The following SPATA21 variants were observed in gnomAD, a reference collection of about 807,000 sequenced individuals.
SPATA21 encodes the protein spermatogenesis associated 21.
SPATA21 carries 47 observed loss-of-function variants against 54.8 expected under a neutral mutation model. That is an observed-to-expected ratio of 0.86 (90% CI 0.68 to 1.09). The LOEUF is 1.09. SPATA21 is among the 50% of genes least tolerant of loss of function. SPATA21 has a pLI of 0.00. For synonymous variants in SPATA21, 245 were observed against 235.3 expected (o/e 1.04, Z -0.38); for missense variants, 599 against 596.4 (o/e 1.00, Z -0.05).
intron 7 of SPATA21, among the ~76,000 whole-genome samples, chr1:16,406,978 G>A (rs2085662233): frequency 6.6e-6 from 1 of 152,226 alleles, no homozygotes; most frequent in African/African-American, 2.4e-5. Flanking sequence ...AAGGCAGCCC[G>A]TGCTGACTGG....
chr1:16,405,566 C>T (rs2085613089), intron 7 of SPATA21, among the ~76,000 whole-genome samples: 2 of 149,194 alleles, frequency 1.3e-5, no homozygotes, highest in African/African-American at 2.5e-5. Context: ...GAGGCTCAGA[C>T]AGTAGGATCC....
At chr1:16,430,491 T>G (rs981607090) in intron 3 of SPATA21, among the ~76,000 whole-genome samples, 5 of 151,852 alleles carry the variant, frequency 3.3e-5, no homozygotes, top group Admixed American at 3.3e-4. Context: ...CTGAGAGGTG[T>G]GATGGAAGCT....
chr1:16,402,817 T>A (rs571641312), intron 10 of SPATA21, among the ~76,000 whole-genome samples: 2 of 152,086 alleles, frequency 1.3e-5, no homozygotes, highest in Non-Finnish European at 2.9e-5. Flanking sequence ...TCCCAGCTAC[T>A]CGGGAAACTG....
At position 16,431,359 on chromosome 1, in the gene SPATA21, T is replaced by G; in HGVS notation, c.13A>C (p.Asn5His). The G allele has an allele frequency of 1.2e-6, 2 of 1,613,988 alleles. No homozygotes were observed. The highest frequency in any genetic ancestry group is 1.7e-6 in the Non-Finnish European group (2 of 1,179,988). Reference protein sequence around the residue: MDNRNTQMYTEEEKT... With the variant: MDNRHTQMYTEEEKT... The stretch of plus-strand genomic sequence containing the variant: ...CTACCCTCCGTGTACATCTGGGTGT[T>G]TCTATTGTCCATGATGCCAGCGCCA... Residue 5 changes from asparagine to histidine, a missense_variant, in exon 3 of 13, where the codon AAC (asparagine) becomes CAC (histidine). By Grantham distance (68) the Asn-to-His change is moderately conservative. Transcript: ENST00000335496.
intron 5 of SPATA21, among the ~76,000 whole-genome samples, chr1:16,420,956 A>G (rs777783439): frequency 6.6e-6 from 1 of 152,186 alleles, no homozygotes; most frequent in Non-Finnish European, 1.5e-5. Flanking sequence ...AAGCTGCTCA[A>G]CATGGGTACA....
intron 10 of SPATA21, among the ~76,000 whole-genome samples, chr1:16,401,575 C>T (rs908602275): frequency 1.6e-4 from 25 of 152,172 alleles, no homozygotes; most frequent in Admixed American, 7.9e-4. Flanking sequence ...GGATTACAGG[C>T]GTGAGCCACT....
intron 3 of SPATA21, chr1:16,425,536 A>G (rs2086295995): frequency 1.0e-5 from 16 of 1,548,740 alleles, no homozygotes; most frequent in Admixed American, 2.0e-5. Flanking sequence ...GGCAGCTCTC[A>G]GGAGGCTGAT....
In SPATA21 at chr1:16,400,723, A is replaced by C; in HGVS notation, c.1171T>G (p.Tyr391Asp). The C allele has an allele frequency of 1.1e-5, 17 of 1,613,042 alleles. No homozygotes were observed. Among genetic ancestry groups the C allele is most frequent in the Non-Finnish European group, 1.4e-5 (16 of 1,179,386 alleles). The change falls in exon 11 of 13, where the codon TAT becomes GAT. Residue 391 changes from tyrosine to aspartate, a missense_variant. By Grantham distance (160) the Tyr-to-Asp change is radical. Transcript: ENST00000335496. ...CCACCCTGCCCAGGGCCCTCACCAT[A>C]GTTCTGCTGCTTCAGCCGGCTCAGG... ...SILSRLKQQN[Y>D]APNLQSPYAQ...
chr1:16,407,619 C>T (rs1197811228), intron 7 of SPATA21, among the ~76,000 whole-genome samples: 4 of 152,044 alleles, frequency 2.6e-5, no homozygotes, highest in African/African-American at 9.6e-5. Context: ...ACCACCACAC[C>T]GGGCTAATTT....
chr1:16,402,056 C>G (rs1476303019), intron 10 of SPATA21, among the ~76,000 whole-genome samples: 1 of 152,126 alleles, frequency 6.6e-6, no homozygotes, highest in African/African-American at 2.4e-5. Flanking sequence ...CTTCAACTAG[C>G]TTTGCACAGG....
chr1:16,402,718 G>A (rs908937782), intron 10 of SPATA21, among the ~76,000 whole-genome samples: 3 of 151,276 alleles, frequency 2.0e-5, no homozygotes, highest in African/African-American at 7.3e-5. Context: ...ATCTTGCCCA[G>A]CAACAAAGTG....
At chr1:16,410,142 C>T in intron 5 of SPATA21, 99 bp from the exon 6 acceptor site, 2 of 1,006,690 alleles carry the variant, frequency 2.0e-6, no homozygotes, top group Non-Finnish European at 2.9e-6. Context: ...TCAGACTGCC[C>T]CTTACTCTCT....
chr1:16,421,664 C>T lies in SPATA21; in HGVS notation c.96-107G>A. 2 of 1,266,578 alleles carry T rather than the reference C, an allele frequency of 1.6e-6. No homozygotes were observed. The highest frequency in any genetic ancestry group is 2.2e-6 in the Non-Finnish European group (2 of 907,674). 78.5% of individuals were successfully genotyped at this position (1,266,578 alleles called of 1,614,324 possible). ...ACACTCAGTTCCACCCCAGCCTCATCCCCTTGGCCTTCTCATCTCAGGGGG... is the reference window on the plus strand; with the variant it reads ...ACACTCAGTTCCACCCCAGCCTCATTCCCTTGGCCTTCTCATCTCAGGGGG... On this transcript the variant is annotated intron_variant, in intron 4 of 12. Coordinates refer to ENST00000335496, the MANE Select transcript of SPATA21 (RefSeq NM_198546.1). The surrounding 1 kb of genome is among the most constrained non-coding windows in gnomAD (Gnocchi z 5.2).
In SPATA21 at chr1:16,421,119, G is replaced by C. The variant is rs889470579; in HGVS notation, c.144+390C>G. ...CTAGGAAGTGGCAGAGCTTGGGGAGGGAAGGATGGCTGGGAGGGGTCGGGG... is the reference window on the plus strand; with the variant it reads ...CTAGGAAGTGGCAGAGCTTGGGGAGCGAAGGATGGCTGGGAGGGGTCGGGG... On this transcript the variant is annotated intron_variant, in intron 5 of 12. Coordinates refer to ENST00000335496, the MANE Select transcript of SPATA21 (RefSeq NM_198546.1). This position sits in a 1 kb window ranked among gnomAD's most constrained non-coding sequence, Gnocchi z 5.2. Among the ~76,000 whole-genome samples the C allele has an allele frequency of 6.6e-6, 1 of 152,040 alleles. No individual in the cohort carries two copies. The highest frequency in any genetic ancestry group is 1.5e-5 in the Non-Finnish European group (1 of 68,004).
chr1:16,430,365 C>T (rs777260867), intron 3 of SPATA21, among the ~76,000 whole-genome samples: 11 of 151,272 alleles, frequency 7.3e-5, no homozygotes, highest in African/African-American at 1.9e-4. Context: ...CCTGGGAGTT[C>T]GAGGCTGCAG....
intron 5 of SPATA21, among the ~76,000 whole-genome samples, chr1:16,412,882 T>G (rs2085892959): frequency 1.3e-5 from 2 of 151,938 alleles, no homozygotes; most frequent in Non-Finnish European, 2.9e-5. Context: ...CTCCAGGGTT[T>G]GAGCAATTCC....
intron 5 of SPATA21, among the ~76,000 whole-genome samples, chr1:16,418,420 C>T (rs1239492): frequency 0.071 from 10,811 of 151,692 alleles, 460 homozygotes; most frequent in South Asian, 0.19. Flanking sequence ...TACAGGTGCC[C>T]GCCACCATGC....
In SPATA21 at chr1:16,400,809, A is replaced by AGCT. The variant is rs769976176; in HGVS notation, c.1082_1084dup (p.Lys361_Leu362insGln). Reference sequence around the variant, plus strand: ...CTCTTCTTGCTGGGGGTTGTAGGGAAGCTTCTGCAACCGCAGCCGGCCTAC... The same window carrying AGCT: ...CTCTTCTTGCTGGGGGTTGTAGGGAAGCTGCTTCTGCAACCGCAGCCGGCCTAC... On this transcript the variant is annotated inframe_insertion, in exon 11 of 13. Coordinates refer to ENST00000335496, the MANE Select transcript of SPATA21 (RefSeq NM_198546.1). 64 of 1,590,042 alleles carry AGCT rather than the reference A, an allele frequency of 4.0e-5. No individual in the cohort carries two copies. Among genetic ancestry groups the AGCT allele is most frequent in the Middle Eastern group, 1.7e-4 (1 of 6,050 alleles).
chr1:16,404,418 C>G (rs994818049), intron 8 of SPATA21, among the ~76,000 whole-genome samples: 2 of 151,974 alleles, frequency 1.3e-5, no homozygotes, highest in Admixed American at 6.6e-5. Flanking sequence ...TGCAGTGAGC[C>G]AAGATCGTGC....
Sources: allele counts gnomAD v4.1 joint callset (sites outside exome capture counted in the v4.1 genomes callset), GRCh38; gene constraint gnomAD v4.1.1; non-coding constraint Gnocchi (gnomAD v3.1); transcripts MANE v1.5; gene names NCBI Gene and HGNC (gene_info 2026-07-23, HGNC 2026-07-21).